The following SMTNL2 variants were observed in gnomAD, a reference collection of about 807,000 sequenced individuals.
SMTNL2 encodes the protein smoothelin-like protein 2.
In SMTNL2, 43 loss-of-function variants were observed where a neutral mutation model predicts 44.1. That is an observed-to-expected ratio of 0.98 (90% CI 0.76 to 1.26). The LOEUF is 1.26. SMTNL2 is among the 50% of genes most tolerant of loss of function. SMTNL2 has a pLI of 0.00. For missense variants in SMTNL2, 646 were observed against 670.2 expected (o/e 0.96, Z 0.40); for synonymous variants, 317 against 287.6 (o/e 1.10, Z -1.03).
chr17:4,601,977 G>A (rs985901764), intron 7 of SMTNL2, among the ~76,000 whole-genome samples: 4 of 151,816 alleles, frequency 2.6e-5, no homozygotes, highest in Non-Finnish European at 4.4e-5. Flanking sequence ...GCTGTCTCCC[G>A]AGTTTTGTCC....
At chr17:4,593,979 C>T (rs1442878158) in intron 4 of SMTNL2, 82 bp downstream of exon 4, 1 of 1,505,262 alleles carries the variant, frequency 6.6e-7, no homozygotes, top group Admixed American at 1.7e-5. Context: ...CCAGGGTTGG[C>T]CCTGGGGTTG....
Position 4,595,289 on chromosome 17 carries a change from A to G in SMTNL2, c.951A>G (p.Ala317=). ...CCTCGGAGGCGCAGGCCCGGAAAGC[A>G]TTGTTTGAGAAGTGGGAGCAGGAAA... The part of the protein sequence containing the change: ...PRTSEAQARK[A]LFEKWEQETA... The change falls in exon 5 of 8, where the codon GCA becomes GCG. Residue 317 remains alanine, a synonymous_variant. Transcript: ENST00000389313. This position sits in a 1 kb window ranked among gnomAD's most constrained non-coding sequence, Gnocchi z 5.1. 1 of 1,613,124 alleles carries G rather than the reference A, an allele frequency of 6.2e-7. No individual in the cohort carries two copies. The highest frequency in any genetic ancestry group is 8.5e-7 in the Non-Finnish European group (1 of 1,179,822).
Position 4,607,189 on chromosome 17 carries a change from C to T in SMTNL2, c.1260-172C>T, listed in dbSNP as rs1206925413. On this transcript the variant is annotated intron_variant, in intron 7 of 7. Coordinates refer to ENST00000389313, the MANE Select transcript of SMTNL2 (RefSeq NM_001114974.2). This position sits in a 1 kb window ranked among gnomAD's most constrained non-coding sequence, Gnocchi z 4.7. ...AGTTTGGGAAACATTGTATTGGAGT[C>T]AGTGACTCCAAGGGTTCTGCCAGGG... Among the ~76,000 whole-genome samples, 1 of 152,164 alleles carries T rather than the reference C, an allele frequency of 6.6e-6. No homozygotes were observed. Among genetic ancestry groups the T allele is most frequent in the Non-Finnish European group, 1.5e-5 (1 of 68,022 alleles).
chr17:4,595,290 T>C lies in SMTNL2; in HGVS notation c.952T>C (p.Leu318=), dbSNP rs1404109039. Residue 318 remains leucine (L), a synonymous_variant, in exon 5 of 8, where the codon TTG becomes CTG. Coordinates refer to ENST00000389313, the MANE Select transcript of SMTNL2 (RefSeq NM_001114974.2). The surrounding 1 kb of genome is among the most constrained non-coding windows in gnomAD (Gnocchi z 5.1). ...CTCGGAGGCGCAGGCCCGGAAAGCA[T>C]TGTTTGAGAAGTGGGAGCAGGAAAC... The part of the protein sequence containing the change: ...RTSEAQARKA[L]FEKWEQETAA... The C allele has an allele frequency of 1.2e-6, 2 of 1,612,892 alleles. No homozygotes were observed. The highest frequency in any genetic ancestry group is 1.7e-6 in the Non-Finnish European group (2 of 1,179,758).
Position 4,593,115 on chromosome 17 carries a change from G to A in SMTNL2, c.674G>A (p.Gly225Glu). The stretch of plus-strand genomic sequence containing the variant: ...TCACCCATGTCTGCTGCCACCCTGG[G>A]GGGCCTCAACCCAAGCCCCAGCGAG... ...ALSPMSAATLGGLNPSPSEVI... is the reference protein window; with the variant it reads ...ALSPMSAATLEGLNPSPSEVI... Residue 225 changes from glycine to glutamate, a missense_variant, in exon 3 of 8, where the codon GGG becomes GAG. By Grantham distance (98) the Gly-to-Glu change is moderately conservative. Transcript: ENST00000389313. 1 of 1,613,652 alleles carries A rather than the reference G, an allele frequency of 6.2e-7. No individual in the cohort carries two copies. The highest frequency in any genetic ancestry group is 8.5e-7 in the Non-Finnish European group (1 of 1,179,830).
rs1230593446 is a variant in SMTNL2 at position 4,584,888 on chromosome 17, G to A, written c.283G>A (p.Gly95Ser). Residue 95 changes from glycine to serine, a missense_variant, in exon 1 of 8, where the codon GGC (glycine) becomes AGC (serine). Transcript: ENST00000389313. Reference sequence around the variant, plus strand: ...GGCCAGCGGGATGTCCCCGGTGCCCGGCACTCCCGGCACGCCCAGCCCCCC... The same window carrying A: ...GGCCAGCGGGATGTCCCCGGTGCCCAGCACTCCCGGCACGCCCAGCCCCCC... Reference protein sequence around the residue: ...GLASGMSPVPGTPGTPSPPPA... With the variant: ...GLASGMSPVPSTPGTPSPPPA... 3 of 1,297,736 alleles carry A rather than the reference G, an allele frequency of 2.3e-6. No homozygotes were observed. In the African/African-American group the frequency reaches 4.7e-5, roughly 20 times the overall value. 80.4% of individuals were successfully genotyped at this position (1,297,736 alleles called of 1,614,324 possible).
chr17:4,596,073 G>A (rs1356901566), intron 5 of SMTNL2, among the ~76,000 whole-genome samples: 3 of 107,638 alleles, frequency 2.8e-5, no homozygotes, highest in African/African-American at 9.3e-5. Context: ...TGGCCCACGC[G>A]TGGTATTGAT....
Position 4,584,673 on chromosome 17 carries a change from C to T in SMTNL2, c.68C>T (p.Ala23Val). The change falls in exon 1 of 8, where the codon GCG becomes GTG. Residue 23 changes from alanine to valine, a missense_variant. By Grantham distance (64) the Ala-to-Val change is moderately conservative. Coordinates refer to ENST00000389313, the MANE Select transcript of SMTNL2 (RefSeq NM_001114974.2). ...VREALGRYEA[A>V]LEGAVRALHE... The stretch of plus-strand genomic sequence containing the variant: ...GAGGCGCTGGGCCGCTACGAGGCGG[C>T]GCTGGAGGGTGCGGTGCGCGCGCTG... 2 of 1,284,584 alleles carry T rather than the reference C, an allele frequency of 1.6e-6. No homozygotes were observed. The highest frequency in any genetic ancestry group is 2.5e-5 in the South Asian group (1 of 40,424). 79.6% of individuals were successfully genotyped at this position (1,284,584 alleles called of 1,614,324 possible).
chr17:4,597,093 G>A, intron 6 of SMTNL2, 79 bp from the exon 7 acceptor site: 4 of 1,556,678 alleles, frequency 2.6e-6, no homozygotes, highest in Non-Finnish European at 3.5e-6. Flanking sequence ...GGGGTTAAGG[G>A]GTAGGAACCA....
Position 4,592,406 on chromosome 17 carries a change from T to C in SMTNL2, c.445T>C (p.Ser149Pro), listed in dbSNP as rs1378639754. 6.2e-7 allele frequency: 1 copy of C among 1,613,402 alleles called. No homozygotes were observed. The highest frequency in any genetic ancestry group is 1.7e-5 in the Admixed American group (1 of 59,962). Residue 149 changes from serine to proline, a missense_variant, in exon 2 of 8, where the codon TCA becomes CCA. Transcript: ENST00000389313. This position sits in a 1 kb window ranked among gnomAD's most constrained non-coding sequence, Gnocchi z 4.5. ...EASESEMRKT[S>P]NSCIMENGHQ... is the part of the protein sequence containing the mutation. ...CAGTGAGTCGGAGATGAGAAAGACC[T>C]CAAACTCCTGCATCATGGAAAATGG...
chr17:4,597,451 C>A, intron 7 of SMTNL2, 128 bp downstream of exon 7: 1 of 1,310,704 alleles, frequency 7.6e-7, no homozygotes, highest in Non-Finnish European at 1.0e-6. Flanking sequence ...GACCCTGGGG[C>A]CATGTGGTCT....
intron 7 of SMTNL2, among the ~76,000 whole-genome samples, chr17:4,604,558 C>T (rs781544669): frequency 3.3e-5 from 5 of 152,146 alleles, no homozygotes; most frequent in South Asian, 2.1e-4. Context: ...CTTGCTCGCT[C>T]GCTGGGGTCT....
rs898632774 is a variant in SMTNL2, at chr17:4,584,620, C to A, written c.15C>A (p.Pro5=). ...TCTGCTGGGCCATGGAGCCGGCCCC[C>A]GACGCCCAGGAGGCGCGCACTGTGC... MEPA[P]DAQEARTVRE... is the part of the protein sequence containing the mutation. Residue 5 remains proline, a synonymous_variant, in exon 1 of 8, where the codon CCC becomes CCA. Coordinates refer to ENST00000389313, the MANE Select transcript of SMTNL2 (RefSeq NM_001114974.2). The A allele has an allele frequency of 2.2e-5, 27 of 1,244,092 alleles. No homozygotes were observed. The highest frequency in any genetic ancestry group is 2.6e-5 in the Non-Finnish European group (26 of 995,170). The allele number at this position is 1,244,092 out of a possible 1,614,324, so 77.1% of individuals were successfully genotyped here.
intron 7 of SMTNL2, among the ~76,000 whole-genome samples, chr17:4,602,571 C>T (rs1910095088): frequency 6.6e-6 from 1 of 152,012 alleles, no homozygotes; most frequent in East Asian, 1.9e-4. Flanking sequence ...GATCCTCTCG[C>T]CTCAGCCTCC....
rs931765387 is a variant in SMTNL2 at position 4,608,162 on chromosome 17, C to T, written c.*675C>T. 4.6e-5 allele frequency: 7 copies of T among 152,142 alleles called. No individual in the cohort carries two copies. Among genetic ancestry groups the T allele is most frequent in the East Asian group, 1.9e-4 (1 of 5,196 alleles). The allele number at this position is 152,142 out of a possible 1,614,324, so 9.4% of individuals were successfully genotyped here. A position where few individuals can be genotyped will look rare whatever the true frequency, so the allele number is the denominator to read the frequency against. On this transcript the variant is annotated 3_prime_UTR_variant, in exon 8 of 8. Coordinates refer to ENST00000389313, the MANE Select transcript of SMTNL2 (RefSeq NM_001114974.2). ...AAGTGTTTGGCTAAGCACAGGCTCT[C>T]GGGAATTTAACACTTTTGGGGAAGG...
chr17:4,586,420 AT>A (rs1909347881), intron 1 of SMTNL2, among the ~76,000 whole-genome samples: 3 of 151,886 alleles, frequency 2.0e-5, no homozygotes. Context: ...TTGAACATGC[AT>A]TTGCTATTTG....
chr17:4,607,724 TATGAG>T lies in SMTNL2; in HGVS notation c.*239_*243del, dbSNP rs1362604835. 11 of 496,766 alleles carry T rather than the reference TATGAG, an allele frequency of 2.2e-5. No individual in the cohort carries two copies. Among genetic ancestry groups the T allele is most frequent in the Non-Finnish European group, 2.4e-5 (7 of 291,814 alleles). 30.8% of individuals were successfully genotyped at this position (496,766 alleles called of 1,614,324 possible). The stretch of plus-strand genomic sequence containing the variant: ...AAGGGCTTGGAGGAAAAGGAAAAAT[TATGAG>T]AGAGAGAGAGACATTGGTGCTAAGT... On this transcript the variant is annotated 3_prime_UTR_variant, in exon 8 of 8. Coordinates refer to ENST00000389313, the MANE Select transcript of SMTNL2 (RefSeq NM_001114974.2). The surrounding 1 kb of genome is among the most constrained non-coding windows in gnomAD (Gnocchi z 4.7).
upstream of SMTNL2, chr17:4,584,484 C>G: frequency 1.8e-6 from 2 of 1,126,608 alleles, no homozygotes; most frequent in Non-Finnish European, 1.1e-6. Flanking sequence ...CGCCCCGCGC[C>G]CGCCTCCCCG....
Position 4,592,407 on chromosome 17 carries a change from C to A in SMTNL2, c.446C>A (p.Ser149Ter), listed in dbSNP as rs778449194. ...AGTGAGTCGGAGATGAGAAAGACCT[C>A]AAACTCCTGCATCATGGAAAATGGG... Reference protein sequence around the residue: ...EASESEMRKTSNSCIMENGHQ... With the variant: ...EASESEMRKT Residue 149 changes from serine to a stop codon, truncating the protein, a stop_gained, in exon 2 of 8, where the codon TCA (serine) becomes TAA (stop). Transcript: ENST00000389313. LOFTEE classifies it high-confidence loss of function. This position sits in a 1 kb window ranked among gnomAD's most constrained non-coding sequence, Gnocchi z 4.5. The A allele has an allele frequency of 6.2e-7, 1 of 1,613,576 alleles. No individual in the cohort carries two copies.
Sources: allele counts gnomAD v4.1 joint callset (sites outside exome capture counted in the v4.1 genomes callset), GRCh38; gene constraint gnomAD v4.1.1; non-coding constraint Gnocchi (gnomAD v3.1); transcripts MANE v1.5; gene names NCBI Gene and HGNC (gene_info 2026-07-23, HGNC 2026-07-21).